The following ZNF232 variants were observed in gnomAD, a reference collection of about 807,000 sequenced individuals.
The protein encoded by ZNF232 is zinc finger protein 232.
ZNF232 carries 25 observed loss-of-function variants against 25.2 expected under a neutral mutation model. That is an observed-to-expected ratio of 0.99 (90% confidence interval 0.72 to 1.39). The LOEUF is 1.39. Ranked by LOEUF, ZNF232 falls within the 40% of genes most tolerant of loss-of-function variation. The pLI is 0.00. For missense variants in ZNF232, 519 were observed against 520.9 expected (o/e 1.00, Z 0.04); for synonymous variants, 193 against 182.9 (o/e 1.06, Z -0.45).
At chr17:5,117,206 G>A (rs534372099) in intron 1 of ZNF232, among the ~76,000 whole-genome samples, 3 of 152,214 alleles carry the variant, frequency 2.0e-5, no homozygotes, top group East Asian at 3.9e-4. Context: ...TGTAGCACCC[G>A]CTGCTTAACA....
intron 1 of ZNF232, among the ~76,000 whole-genome samples, chr17:5,120,283 A>G (rs2072623689): frequency 6.6e-6 from 1 of 151,126 alleles, no homozygotes; most frequent in Admixed American, 6.6e-5. Context: ...GGGGCAAGGC[A>G]GTGGTGGGGG....
chr17:5,113,118 C>T (rs1480078848), upstream of ZNF232, among the ~76,000 whole-genome samples: 3 of 152,152 alleles, frequency 2.0e-5, no homozygotes, highest in African/African-American at 7.2e-5. Flanking sequence ...TTCTCAGATT[C>T]TCAGATTATT....
rs531103476 is a variant in ZNF232, at chr17:5,108,766, A to G, written c.625+160T>C. 2.2e-5 allele frequency: 26 copies of G among 1,169,544 alleles called. No individual in the cohort carries two copies. The South Asian group carries it at 3.4e-4, about 15-fold the overall frequency. 72.4% of individuals were successfully genotyped at this position (1,169,544 alleles called of 1,614,324 possible). A position where few individuals can be genotyped will look rare whatever the true frequency, so the allele number is the denominator to read the frequency against. ...CTTACTCCTAATTTTATGAGTGATG[A>G]AACAGGCAAAGTCTCTCACCTAAGA... On this transcript the variant is annotated intron_variant, in intron 3 of 3. Coordinates refer to ENST00000575898, the Ensembl canonical transcript of ZNF232.
intron 1 of ZNF232, among the ~76,000 whole-genome samples, chr17:5,122,676 G>A (rs2072724532): frequency 6.6e-6 from 1 of 152,026 alleles, no homozygotes; most frequent in South Asian, 2.1e-4. Flanking sequence ...CGCCCTTCCC[G>A]GGAACAAAAG....
chr17:5,117,110 C>T (rs2072555371), intron 1 of ZNF232, among the ~76,000 whole-genome samples: 2 of 152,232 alleles, frequency 1.3e-5, no homozygotes, highest in African/African-American at 4.8e-5. Flanking sequence ...ATGGTTGCAA[C>T]TTTATTAATG....
exon 2 of ZNF232, chr17:5,109,733 T>A (rs780593744): frequency 1.2e-6 from 2 of 1,613,972 alleles, no homozygotes; most frequent in Admixed American, 3.3e-5. Context: ...CTTCCTTTGG[T>A]CCCATCATCA....
intron 3 of ZNF232, among the ~76,000 whole-genome samples, chr17:5,108,133 T>G (rs933101337): frequency 2.6e-5 from 4 of 151,982 alleles, no homozygotes; most frequent in African/African-American, 7.2e-5. Flanking sequence ...TAAGAAGAAT[T>G]TGATTTTTCA....
intron 1 of ZNF232, among the ~76,000 whole-genome samples, chr17:5,119,769 T>C (rs1271991278): frequency 6.6e-6 from 1 of 152,174 alleles, no homozygotes; most frequent in Non-Finnish European, 1.5e-5. Context: ...TGCCCAGCAC[T>C]ACAAGTGACT....
At chr17:5,115,805 A>C (rs2072521434), upstream of ZNF232, among the ~76,000 whole-genome samples, 2 of 152,178 alleles carry the variant, frequency 1.3e-5, no homozygotes, top group South Asian at 4.1e-4. Context: ...AGATGGCCTC[A>C]TGCGCGGACT....
chr17:5,111,908 A>G, upstream of ZNF232: 2 of 1,573,368 alleles, frequency 1.3e-6, no homozygotes, highest in Non-Finnish European at 1.7e-6. Flanking sequence ...TCGGCCTCCA[A>G]CTCCCAGAAT....
chr17:5,113,092 AGT>A (rs2072456483), upstream of ZNF232, among the ~76,000 whole-genome samples: 1 of 152,262 alleles, frequency 6.6e-6, no homozygotes, highest in Non-Finnish European at 1.5e-5. Flanking sequence ...TCAACTGTGT[AGT>A]ACCATAGTAA....
intron 2 of ZNF232, 155 bp from the exon 3 acceptor site, chr17:5,109,207 A>C: frequency 8.0e-7 from 1 of 1,243,722 alleles, no homozygotes; most frequent in African/African-American, 1.5e-5. Context: ...CAAGGGAAGA[A>C]GAGGAGCTAG....
chr17:5,106,382 G>A, exon 4 of ZNF232: 1 of 1,614,206 alleles, frequency 6.2e-7, no homozygotes, highest in Non-Finnish European at 8.5e-7. Flanking sequence ...TACCCTCAGA[G>A]GTAGCTTCAA....
exon 4 of ZNF232, chr17:5,106,069 A>T: frequency 6.2e-7 from 1 of 1,614,170 alleles, no homozygotes; most frequent in Non-Finnish European, 8.5e-7. Flanking sequence ...GCCTTCCCAC[A>T]TTCATTACAT....
intron 1 of ZNF232, among the ~76,000 whole-genome samples, chr17:5,117,260 C>G (rs1353620138): frequency 2.0e-5 from 3 of 152,148 alleles, no homozygotes; most frequent in Non-Finnish European, 2.9e-5. Flanking sequence ...GCTCAAGCCT[C>G]TAATCCCAGC....
At chr17:5,120,145 TC>T (rs967340355) in intron 1 of ZNF232, among the ~76,000 whole-genome samples, 1 of 152,124 alleles carries the variant, frequency 6.6e-6, no homozygotes, top group African/African-American at 2.4e-5. Flanking sequence ...GGAAGGTGTT[TC>T]CCCCTGGCTT....
At chr17:5,111,385 G>T in intron 1 of ZNF232, 1 of 254,866 alleles carries the variant, frequency 3.9e-6, no homozygotes, top group African/African-American at 2.2e-5. Flanking sequence ...GCACAAAGGG[G>T]GACCGCTGGC....
At chr17:5,106,400 G>T in exon 4 of ZNF232, 5 of 1,614,180 alleles carry the variant, frequency 3.1e-6, no homozygotes, top group Non-Finnish European at 4.2e-6. Context: ...CAAATGTAGA[G>T]GTGTCAGTAG....
At chr17:5,121,950 C>A (rs924102893) in intron 1 of ZNF232, among the ~76,000 whole-genome samples, 1 of 152,064 alleles carries the variant, frequency 6.6e-6, no homozygotes, top group Non-Finnish European at 1.5e-5. Context: ...TGGATTAGAT[C>A]ACGTAGGCAA....
Sources: allele counts gnomAD v4.1 joint callset (sites outside exome capture counted in the v4.1 genomes callset), GRCh38; gene constraint gnomAD v4.1.1; transcripts MANE v1.5; gene names NCBI Gene and HGNC (gene_info 2026-07-23, HGNC 2026-07-21).